The following NUGGC variants were observed in gnomAD, a reference collection of about 807,000 sequenced individuals.
NUGGC encodes nuclear GTPase SLIP-GC.
A neutral mutation model predicts 92.6 loss-of-function variants in NUGGC; 58 were observed. That is an observed-to-expected ratio of 0.63 (90% CI 0.51 to 0.78). The LOEUF (loss-of-function observed/expected upper bound fraction) is 0.78. Among genes scored for constraint, NUGGC ranks in the 30% least tolerant of loss-of-function variants. The pLI is 0.00. For synonymous variants in NUGGC, 376 were observed against 366.4 expected, an observed-to-expected ratio of 1.03 and a Z score of -0.30; for missense variants, 925 against 964.6, an observed-to-expected ratio of 0.96 and a Z score of 0.54.
At chr8:28,038,425 C>T (rs1398072366) in intron 13 of NUGGC, among the ~76,000 whole-genome samples, 1 of 152,278 alleles carries the variant, frequency 6.6e-6, no homozygotes, top group South Asian at 2.1e-4. Flanking sequence ...TATCACTTTA[C>T]GTTCATTCTT....
intron 10 of NUGGC, among the ~76,000 whole-genome samples, chr8:28,055,500 A>G (rs1563223756): frequency 6.6e-6 from 1 of 152,304 alleles, no homozygotes; most frequent in East Asian, 1.9e-4. Context: ...TGCTTTAAAG[A>G]TGAGAAAATG....
chr8:28,061,917 C>T (rs1394714654), intron 7 of NUGGC, among the ~76,000 whole-genome samples: 4 of 152,204 alleles, frequency 2.6e-5, no homozygotes, highest in South Asian at 2.1e-4. Flanking sequence ...TTTGAGAAAC[C>T]CTGATCCAGG....
intron 13 of NUGGC, among the ~76,000 whole-genome samples, chr8:28,038,225 C>G (rs1809605811): frequency 6.6e-6 from 1 of 152,204 alleles, no homozygotes; most frequent in Non-Finnish European, 1.5e-5. Flanking sequence ...TCTCCCTTCT[C>G]TAAACATTTG....
chr8:28,056,051 C>T lies in NUGGC; in HGVS notation c.1120G>A (p.Ala374Thr). The change falls in exon 10 of 19, where the codon GCT (alanine) becomes ACT (threonine). Residue 374 changes from alanine to threonine, a missense_variant. Coordinates refer to ENST00000413272, the MANE Select transcript of NUGGC (RefSeq NM_001010906.2). ...YLRERKAGNQAIQSQREAVLE... is the reference protein window; with the variant it reads ...YLRERKAGNQTIQSQREAVLE... ...ACAGCCTCTCGCTGACTCTGAATAG[C>T]TTGCTAGGTTGTGAAAGGAAATAGA... The T allele has an allele frequency of 6.4e-7, 1 of 1,550,430 alleles. No homozygotes were observed. Among genetic ancestry groups the T allele is most frequent in the Non-Finnish European group, 8.8e-7 (1 of 1,140,022 alleles).
At chr8:28,064,197 T>G (rs1810379450) in intron 7 of NUGGC, among the ~76,000 whole-genome samples, 1 of 152,192 alleles carries the variant, frequency 6.6e-6, no homozygotes, top group African/African-American at 2.4e-5. Flanking sequence ...GCAGCTTCTC[T>G]GCTTTGTCCC....
At chr8:28,080,802 G>T (rs944057767) in intron 1 of NUGGC, among the ~76,000 whole-genome samples, 22 of 152,112 alleles carry the variant, frequency 1.4e-4, no homozygotes, top group African/African-American at 5.1e-4. Context: ...GATACTGGGG[G>T]TACAGCAGGA....
chr8:28,070,282 G>C lies in NUGGC; in HGVS notation c.118C>G (p.Pro40Ala). Residue 40 changes from proline (P) to alanine (A), a missense_variant, in exon 3 of 19, where the codon CCC becomes GCC. Physicochemically the swap from Pro to Ala is conservative, Grantham distance 27. Transcript: ENST00000413272. ...TTAAGAGCACTCTGCTCCATGGAGG[G>C]AAATGCTCGGAACCGCTGGTCTCGA... ...SDRDQRFRAF[P>A]SMEQSALKEY... 1 of 1,554,302 alleles carries C rather than the reference G, an allele frequency of 6.4e-7. No homozygotes were observed. Among genetic ancestry groups the C allele is most frequent in the Non-Finnish European group, 8.7e-7 (1 of 1,147,360 alleles).
At chr8:28,060,830 C>G (rs1230888113) in intron 7 of NUGGC, among the ~76,000 whole-genome samples, 1 of 152,212 alleles carries the variant, frequency 6.6e-6, no homozygotes, top group Non-Finnish European at 1.5e-5. Context: ...TTCCTCAAGA[C>G]TGTGGAGGAC....
intron 17 of NUGGC, among the ~76,000 whole-genome samples, chr8:28,027,433 C>T (rs1370399691): frequency 1.3e-5 from 2 of 152,146 alleles, no homozygotes; most frequent in East Asian, 1.9e-4. Flanking sequence ...ACCATCCTCT[C>T]GTCCATGCAT....
rs1809810865 is a variant in NUGGC at position 28,045,627 on chromosome 8, C to A, written c.1346G>T (p.Ser449Ile). Reference sequence around the variant, plus strand: ...TGTCCTCTTCTTCTTGTCCAAGAGGCTCTTCCTGATGTATTCTCTTAACTT... The same window carrying A: ...TGTCCTCTTCTTCTTGTCCAAGAGGATCTTCCTGATGTATTCTCTTAACTT... ...IPKLREYIRKSLLDKKKRTVT... is the reference protein window; with the variant it reads ...IPKLREYIRKILLDKKKRTVT... The change falls in exon 12 of 19, where the codon AGC becomes ATC. Residue 449 changes from serine to isoleucine, a missense_variant. By Grantham distance (142) the Ser-to-Ile change is moderately radical. Coordinates refer to ENST00000413272, the MANE Select transcript of NUGGC (RefSeq NM_001010906.2). The A allele has an allele frequency of 6.2e-7, 1 of 1,612,916 alleles. No homozygotes were observed. The highest frequency in any genetic ancestry group is 2.2e-5 in the East Asian group (1 of 44,860).
chr8:28,044,786 G>A (rs1017716802), intron 12 of NUGGC, among the ~76,000 whole-genome samples: 5 of 152,136 alleles, frequency 3.3e-5, no homozygotes, highest in Non-Finnish European at 2.9e-5. Context: ...TGTGGTCAGA[G>A]ATCTATTTTT....
chr8:28,064,653 G>T lies in NUGGC; in HGVS notation c.790C>A (p.Arg264Ser), dbSNP rs568739858. Residue 264 changes from arginine to serine, a missense_variant, in exon 7 of 19, where the codon CGC becomes AGC. By Grantham distance (110) the Arg-to-Ser change is moderately radical. Coordinates refer to ENST00000413272, the MANE Select transcript of NUGGC (RefSeq NM_001010906.2). ...ACATGTTTGATCAAGGGCCAGATGC[G>T]CATCTCAGCGGCCTCTCCATCCCAA... Reference protein sequence around the residue: ...RDWDGEAAEMRIWPLIKHVEV... With the variant: ...RDWDGEAAEMSIWPLIKHVEV... The T allele has an allele frequency of 1.2e-6, 2 of 1,613,966 alleles. No individual in the cohort carries two copies. The highest frequency in any genetic ancestry group is 2.2e-5 in the East Asian group (1 of 44,888).
intron 4 of NUGGC, among the ~76,000 whole-genome samples, chr8:28,069,024 C>T (rs779184359): frequency 9.2e-5 from 14 of 152,176 alleles, no homozygotes; most frequent in African/African-American, 3.4e-4. Context: ...TACACCTGGA[C>T]AGAAATTGTA....
intron 2 of NUGGC, among the ~76,000 whole-genome samples, chr8:28,072,776 A>G (rs777552374): frequency 9.9e-5 from 15 of 152,122 alleles, no homozygotes; most frequent in Non-Finnish European, 2.1e-4. Context: ...ACCAAAATAA[A>G]CTTGTCCGAA....
At chr8:28,053,444 C>T (rs752626053) in intron 10 of NUGGC, among the ~76,000 whole-genome samples, 7 of 151,994 alleles carry the variant, frequency 4.6e-5, no homozygotes, top group Non-Finnish European at 1.0e-4. Context: ...TATCATTGTG[C>T]CACTACACTC....
intron 11 of NUGGC, among the ~76,000 whole-genome samples, chr8:28,046,970 T>A (rs1585571088): frequency 1.3e-5 from 2 of 150,268 alleles, no homozygotes; most frequent in African/African-American, 2.5e-5. Context: ...TGCCTGGCTT[T>A]TTTTGTTGTT....
chr8:28,032,917 T>C (rs1380040724), intron 14 of NUGGC, among the ~76,000 whole-genome samples: 2 of 152,058 alleles, frequency 1.3e-5, no homozygotes, highest in East Asian at 1.9e-4. Context: ...CCCAGCACTT[T>C]GGGAGGACGA....
At chr8:28,047,698 C>T (rs926694979) in intron 10 of NUGGC, 86 bp from the exon 11 acceptor site, 5 of 744,218 alleles carry the variant, frequency 6.7e-6, no homozygotes, top group African/African-American at 3.5e-5. Context: ...AGCCTTCAGC[C>T]AATTTCAGCT....
At chr8:28,052,441 T>C (rs138227706) in intron 10 of NUGGC, among the ~76,000 whole-genome samples, 1 of 152,186 alleles carries the variant, frequency 6.6e-6, no homozygotes, top group South Asian at 2.1e-4. Context: ...GAAGTCATAA[T>C]GGAGTAGGGT....
Sources: gnomAD v4.1 joint callset for allele counts (sites outside exome capture counted in the v4.1 genomes callset) on GRCh38, gnomAD v4.1.1 for gene constraint, MANE v1.5 for transcripts, NCBI Gene and HGNC (gene_info 2026-07-23, HGNC 2026-07-21) for gene names.